Variants in MLXIPL observed in about 807,000 individuals in gnomAD.
MLXIPL encodes the protein MLX interacting protein like.
MLXIPL carries 49 observed loss-of-function variants against 81.5 expected under a neutral mutation model. The ratio of observed to expected loss-of-function variants is 0.60; its 90% CI spans 0.48 to 0.76. The LOEUF (loss-of-function observed/expected upper bound fraction) is 0.76. MLXIPL is among the 30% of genes least tolerant of loss of function. MLXIPL has a pLI of 0.00. For synonymous variants in MLXIPL, 466 were observed against 485.5 expected, an observed-to-expected ratio of 0.96 and a Z score of 0.53; for missense variants, 1,053 against 1,167.0, an observed-to-expected ratio of 0.90 and a Z score of 1.42.
chr7:73,638,255 G>T, the MLXIPL span, among the ~76,000 whole-genome samples: 1 of 152,174 alleles, frequency 6.6e-6, no homozygotes, highest in African/African-American at 2.4e-5. Flanking sequence ...CAGGCTCAGA[G>T]AAATTAAGTC....
At chr7:73,617,434 T>G (rs904794938) in intron 1 of MLXIPL, among the ~76,000 whole-genome samples, 3 of 152,094 alleles carry the variant, frequency 2.0e-5, no homozygotes, top group Non-Finnish European at 4.4e-5. Flanking sequence ...AGGTGTGCTC[T>G]TCTCAGGGCT....
chr7:73,596,347 T>C lies in MLXIPL; in HGVS notation c.1938+17A>G, dbSNP rs1201503096. On this transcript the variant is annotated intron_variant, in intron 12 of 16. Coordinates refer to ENST00000313375, the MANE Select transcript of MLXIPL (RefSeq NM_032951.3). This position sits in a 1 kb window ranked among gnomAD's most constrained non-coding sequence, Gnocchi z 4.7. The stretch of plus-strand genomic sequence containing the variant: ...TGGGGGTAGCAAACCGATCTTGGGG[T>C]GGGGGATGGTGCCCACCTTGTTGCT... 4 of 1,465,484 alleles carry C rather than the reference T, an allele frequency of 2.7e-6. No homozygotes were observed. The South Asian group carries it at 5.0e-5, about 18-fold the overall frequency. The allele number at this position is 1,465,484 out of a possible 1,614,324, so 90.8% of individuals were successfully genotyped here. A position where few individuals can be genotyped will look rare whatever the true frequency, so the allele number is the denominator to read the frequency against.
chr7:73,645,193 A>AT, the MLXIPL span, among the ~76,000 whole-genome samples: 227 of 152,180 alleles, frequency 1.5e-3, 2 homozygotes, highest in African/African-American at 5.2e-3. Context: ...CACCTGGCTA[A>AT]TTTTTTAATT....
At chr7:73,646,446 G>A in the MLXIPL span, among the ~76,000 whole-genome samples, 1 of 152,182 alleles carries the variant, frequency 6.6e-6, no homozygotes, top group Non-Finnish European at 1.5e-5. Flanking sequence ...CAAGACACCA[G>A]GCGGATGCTT....
chr7:73,632,155 AT>A, the MLXIPL span, among the ~76,000 whole-genome samples: 2 of 150,866 alleles, frequency 1.3e-5, no homozygotes, highest in African/African-American at 2.4e-5. Flanking sequence ...AATTTTTTAA[AT>A]TTTTTTATTA....
At chr7:73,632,622 C>G in the MLXIPL span, among the ~76,000 whole-genome samples, 4 of 152,102 alleles carry the variant, frequency 2.6e-5, no homozygotes, top group Admixed American at 6.6e-5. Context: ...GTGTGTGCCT[C>G]AGTGTGACAG....
upstream of MLXIPL, among the ~76,000 whole-genome samples, chr7:73,626,490 T>C (rs1554603913): frequency 1.3e-5 from 2 of 151,182 alleles, no homozygotes; most frequent in Non-Finnish European, 2.9e-5. Context: ...TTTGTAGAGA[T>C]GAAATCTGCT....
At chr7:73,613,830 G>A (rs781926059) in intron 2 of MLXIPL, among the ~76,000 whole-genome samples, 2 of 152,122 alleles carry the variant, frequency 1.3e-5, no homozygotes, top group Non-Finnish European at 2.9e-5. Context: ...TCATGCCTCA[G>A]CTGCCATCAG....
At chr7:73,636,409 C>CA in the MLXIPL span, among the ~76,000 whole-genome samples, 810 of 79,536 alleles carry the variant, frequency 0.01, 6 homozygotes, top group African/African-American at 0.028. Flanking sequence ...GACTCTGTCT[C>CA]AAAAAAAAAA....
intron 1 of MLXIPL, among the ~76,000 whole-genome samples, chr7:73,618,519 G>T (rs1554601271): frequency 6.6e-6 from 1 of 151,386 alleles, no homozygotes; most frequent in Non-Finnish European, 1.5e-5. Context: ...TGAGTGCATT[G>T]GTCATTGGGC....
chr7:73,601,941 T>C (rs1356139993), intron 7 of MLXIPL, among the ~76,000 whole-genome samples: 2 of 152,016 alleles, frequency 1.3e-5, no homozygotes, highest in African/African-American at 4.8e-5. Context: ...CTGCCTACCC[T>C]CTGGGTGTCT....
chr7:73,623,654 G>C lies in MLXIPL; in HGVS notation c.293+546C>G, dbSNP rs758309791. On this transcript the variant is annotated intron_variant, in intron 1 of 16. Coordinates refer to ENST00000313375, the MANE Select transcript of MLXIPL (RefSeq NM_032951.3). This position sits in a 1 kb window ranked among gnomAD's most constrained non-coding sequence, Gnocchi z 5.7. The stretch of plus-strand genomic sequence containing the variant: ...AGAGGTGTCTCAGCAATTGCGGGGA[G>C]GTGGACGTGAGAGTGGGCCAGTTCC... Among the ~76,000 whole-genome samples, 1 of 152,236 alleles carries C rather than the reference G, an allele frequency of 6.6e-6. No homozygotes were observed. Among genetic ancestry groups the C allele is most frequent in the Non-Finnish European group, 1.5e-5 (1 of 68,050 alleles).
At chr7:73,616,305 C>T in intron 1 of MLXIPL, 128 bp from the exon 2 acceptor site, 1 of 776,758 alleles carries the variant, frequency 1.3e-6, no homozygotes, top group Non-Finnish European at 2.2e-6. Flanking sequence ...ATCTGGCCCC[C>T]CAACCCAACC....
chr7:73,628,785 G>A (rs1796792233), upstream of MLXIPL, among the ~76,000 whole-genome samples: 1 of 152,212 alleles, frequency 6.6e-6, no homozygotes, highest in South Asian at 2.1e-4. Flanking sequence ...GCAGTTTACA[G>A]CCTCTGTACA....
rs782550115 is a variant in MLXIPL at position 73,593,928 on chromosome 7, C to T, written c.2496G>A (p.Pro832=). 19 of 1,613,924 alleles carry T rather than the reference C, an allele frequency of 1.2e-5. No individual in the cohort carries two copies. Among genetic ancestry groups the T allele is most frequent in the Middle Eastern group, 1.6e-4 (1 of 6,082 alleles). The stretch of plus-strand genomic sequence containing the variant: ...GTGTGGCTTGCTCAGGGATGCGGCC[C>T]GGGTCGGTCAGGATACTGGTAGATG... ...LGTSTSILTD[P]GRIPEQATRA... The change falls in exon 17 of 17, where the codon CCG becomes CCA. Residue 832 remains proline, a synonymous_variant. Coordinates refer to ENST00000313375, the MANE Select transcript of MLXIPL (RefSeq NM_032951.3).
chr7:73,622,504 A>AC (rs1796447584), intron 1 of MLXIPL, among the ~76,000 whole-genome samples: 1 of 145,082 alleles, frequency 6.9e-6, no homozygotes, highest in East Asian at 2.0e-4. Flanking sequence ...AAAAAAAAAA[A>AC]TTTTTTTTTT....
At chr7:73,611,900 C>G (rs1462776769) in intron 2 of MLXIPL, among the ~76,000 whole-genome samples, 1 of 152,032 alleles carries the variant, frequency 6.6e-6, no homozygotes, top group Non-Finnish European at 1.5e-5. Flanking sequence ...GGTTTCTGAG[C>G]CCAGATTGGA....
intron 8 of MLXIPL, among the ~76,000 whole-genome samples, chr7:73,598,589 CTCAT>C (rs1267661951): frequency 3.9e-5 from 6 of 152,202 alleles, no homozygotes; most frequent in African/African-American, 9.6e-5. Flanking sequence ...TGCACACTTG[CTCAT>C]TCATTCAGTC....
rs879946403 is a variant in MLXIPL at position 73,605,847 on chromosome 7, C to T, written c.820+63G>A. 9.9e-5 allele frequency: 156 copies of T among 1,572,434 alleles called. 3 individuals are homozygous for T. In the South Asian group the frequency reaches 1.3e-3, roughly 13 times the overall value. On this transcript the variant is annotated intron_variant, in intron 6 of 16. Coordinates refer to ENST00000313375, the MANE Select transcript of MLXIPL (RefSeq NM_032951.3). ...CCACCCCCATCCCCAGCCATCCCTC[C>T]CTTGGCCTCCTGGAATCTCACAGGC...
Sources: gnomAD v4.1 joint callset for allele counts (sites outside exome capture counted in the v4.1 genomes callset) on GRCh38, gnomAD v4.1.1 for gene constraint, Gnocchi (gnomAD v3.1) non-coding constraint, MANE v1.5 for transcripts, NCBI Gene and HGNC (gene_info 2026-07-23, HGNC 2026-07-21) for gene names.